The following RNGTT variants were observed in gnomAD, a reference collection of about 807,000 sequenced individuals.
RNGTT encodes RNA guanylyltransferase and 5'-phosphatase, also known as mRNA-capping enzyme.
In RNGTT, 33 loss-of-function variants were observed where a neutral mutation model predicts 79.3. The ratio of observed to expected loss-of-function variants is 0.42; its 90% CI spans 0.32 to 0.56. The LOEUF (loss-of-function observed/expected upper bound fraction) is 0.56. Among genes scored for constraint, RNGTT ranks in the 20% least tolerant of loss-of-function variants. The probability of loss-of-function intolerance (pLI) is 0.17; values close to 1 mark genes in which losing one functional copy is unlikely to be tolerated. For synonymous variants in RNGTT, 222 were observed against 235.9 expected, an observed-to-expected ratio of 0.94 and a Z score of 0.54; for missense variants, 497 against 739.1, an observed-to-expected ratio of 0.67 and a Z score of 3.80.
chr6:88,780,696 G>A (rs1361961015), intron 12 of RNGTT, among the ~76,000 whole-genome samples: 1 of 152,058 alleles, frequency 6.6e-6, no homozygotes, highest in East Asian at 1.9e-4. Context: ...GATATCCATT[G>A]CCATTGTAAA....
chr6:88,789,389 G>A (rs1338684551), intron 12 of RNGTT, among the ~76,000 whole-genome samples: 4 of 152,054 alleles, frequency 2.6e-5, no homozygotes, highest in South Asian at 2.1e-4. Flanking sequence ...GTGAAACCCC[G>A]TATCTACTAA....
chr6:88,922,341 C>T (rs961610803), intron 4 of RNGTT, among the ~76,000 whole-genome samples: 2 of 151,894 alleles, frequency 1.3e-5, no homozygotes, highest in East Asian at 1.9e-4. Context: ...ATTTTAATGA[C>T]CTTAAACTAC....
At position 88,662,695 on chromosome 6, in the gene RNGTT, C is replaced by T. The variant is rs1010978884; in HGVS notation, c.1506+15658G>A. ...TGTGGAGCATCCCTGGGGAGGACTCCGGCGAGCTTAAGCAAAGCAGATCCT... is the reference window on the plus strand; with the variant it reads ...TGTGGAGCATCCCTGGGGAGGACTCTGGCGAGCTTAAGCAAAGCAGATCCT... On this transcript the variant is annotated intron_variant, in intron 14 of 15. Coordinates refer to ENST00000369485, the MANE Select transcript of RNGTT (RefSeq NM_003800.5). Among the ~76,000 whole-genome samples, 8 of 152,360 alleles carry T rather than the reference C, an allele frequency of 5.3e-5. No homozygotes were observed. The South Asian group carries it at 1.0e-3, about 20-fold the overall frequency.
chr6:88,880,999 A>G (rs760020523), intron 8 of RNGTT, among the ~76,000 whole-genome samples: 11 of 152,224 alleles, frequency 7.2e-5, no homozygotes, highest in African/African-American at 1.4e-4. Context: ...TAGTAACATT[A>G]TATCACTTTT....
At position 88,849,773 on chromosome 6, in the gene RNGTT, A is replaced by T. The variant is rs1470611350; in HGVS notation, c.1086T>A (p.Tyr362Ter). 1.9e-6 allele frequency: 3 copies of T among 1,561,862 alleles called. No homozygotes were observed. The highest frequency in any genetic ancestry group is 2.6e-6 in the Non-Finnish European group (3 of 1,153,582). ...TACTTACATTGAATTTAATTATGTCATATATCAAATATCTAGGAACAGCCT... is the reference window on the plus strand; with the variant it reads ...TACTTACATTGAATTTAATTATGTCTTATATCAAATATCTAGGAACAGCCT... ...NGQAVPRYLI[Y>*]DIIKFNSQPV... Residue 362 changes from tyrosine to a stop codon, truncating the protein, a stop_gained, in exon 10 of 16, where the codon TAT becomes TAA. Coordinates refer to ENST00000369485, the MANE Select transcript of RNGTT (RefSeq NM_003800.5). LOFTEE classifies it high-confidence loss of function.
rs58717773 is a variant in RNGTT at position 88,913,214 on chromosome 6, C to CAAAAA, written c.368-6779_368-6775dup. ...AGTGAAGCTCTGTCTCAAAAAAAAA[C>CAAAAA]AAAAAAAAAAAACAAAAAAAAAAAA... On this transcript the variant is annotated intron_variant, in intron 4 of 15. Coordinates refer to ENST00000369485, the MANE Select transcript of RNGTT (RefSeq NM_003800.5). 6.2e-3 allele frequency among the ~76,000 whole-genome samples: 405 copies of CAAAAA among 65,536 alleles called. 3 individuals carry two copies. The highest frequency in any genetic ancestry group is 0.016 in the African/African-American group (360 of 21,962). 43.0% of individuals were successfully genotyped at this position (65,536 alleles called of 152,430 possible). A position where few individuals can be genotyped will look rare whatever the true frequency, so the allele number is the denominator to read the frequency against.
chr6:88,738,700 A>C (rs1387724092), intron 13 of RNGTT, among the ~76,000 whole-genome samples: 1 of 152,140 alleles, frequency 6.6e-6, no homozygotes, highest in Non-Finnish European at 1.5e-5. Flanking sequence ...AATTGTAATA[A>C]ATGTGCCATG....
At chr6:88,875,407 T>C (rs1782487793) in intron 8 of RNGTT, among the ~76,000 whole-genome samples, 1 of 152,050 alleles carries the variant, frequency 6.6e-6, no homozygotes, top group African/African-American at 2.4e-5. Flanking sequence ...CTTTTTAATG[T>C]TTTATGAGGA....
chr6:88,929,466 A>G (rs1332734761), intron 2 of RNGTT, among the ~76,000 whole-genome samples, 199 bp from the exon 3 acceptor site: 1 of 152,182 alleles, frequency 6.6e-6, no homozygotes, highest in East Asian at 1.9e-4. Flanking sequence ...CAGGCACTTG[A>G]TAAAATAAAT....
chr6:88,875,589 T>C (rs1782494950), intron 8 of RNGTT, among the ~76,000 whole-genome samples: 1 of 152,208 alleles, frequency 6.6e-6, no homozygotes, highest in South Asian at 2.1e-4. Context: ...TCAGTCCTGC[T>C]ACTTACAATA....
chr6:88,815,501 G>T (rs567766130), intron 11 of RNGTT, among the ~76,000 whole-genome samples: 1 of 152,158 alleles, frequency 6.6e-6, no homozygotes, highest in Non-Finnish European at 1.5e-5. Flanking sequence ...AGTAAAGGAG[G>T]CCCTAGGGAC....
intron 14 of RNGTT, among the ~76,000 whole-genome samples, chr6:88,640,371 G>A (rs1773261635): frequency 7.0e-6 from 1 of 142,712 alleles, no homozygotes. Flanking sequence ...GCAGCATACC[G>A]AGACCCTGTC....
intron 14 of RNGTT, among the ~76,000 whole-genome samples, chr6:88,647,612 T>C (rs1170059859): frequency 6.7e-6 from 1 of 150,060 alleles, no homozygotes; most frequent in Non-Finnish European, 1.5e-5. Context: ...CTCAGGAGGC[T>C]GAGGTAGGAG....
chr6:88,633,546 G>A (rs919544656), intron 14 of RNGTT, among the ~76,000 whole-genome samples: 5 of 152,024 alleles, frequency 3.3e-5, no homozygotes, highest in African/African-American at 9.7e-5. Context: ...TGTTGAATGC[G>A]CTTTATCTCC....
chr6:88,771,311 GTGTGTATATATATATATA>G (rs1249126917), intron 12 of RNGTT, among the ~76,000 whole-genome samples: 50 of 48,678 alleles, frequency 1.0e-3, no homozygotes, highest in African/African-American at 4.4e-3. Flanking sequence ...GTATGTGTGT[GTGTGTATATATATATATA>G]TATATATATA....
intron 13 of RNGTT, among the ~76,000 whole-genome samples, chr6:88,723,871 C>T (rs191612115): frequency 2.2e-4 from 33 of 152,086 alleles, no homozygotes; most frequent in African/African-American, 7.5e-4. Flanking sequence ...ATTACAAGCA[C>T]GCCCCACCAT....
At chr6:88,744,975 G>C (rs1400478277) in intron 13 of RNGTT, among the ~76,000 whole-genome samples, 2 of 152,094 alleles carry the variant, frequency 1.3e-5, no homozygotes, top group East Asian at 1.9e-4. Context: ...GTTCTAATCA[G>C]TTTAGAGGTT....
intron 14 of RNGTT, among the ~76,000 whole-genome samples, chr6:88,627,519 G>A (rs967489592): frequency 7.2e-5 from 11 of 151,980 alleles, no homozygotes; most frequent in Non-Finnish European, 1.5e-4. Context: ...CTTTCTTACA[G>A]GACAGAGAGA....
At chr6:88,720,207 C>T (rs763258060) in intron 13 of RNGTT, among the ~76,000 whole-genome samples, 32 of 152,254 alleles carry the variant, frequency 2.1e-4, no homozygotes, top group Admixed American at 3.3e-4. Context: ...AACTTTTCCA[C>T]TACCTATTAA....
Sources: gnomAD v4.1 joint callset for allele counts (sites outside exome capture counted in the v4.1 genomes callset) on GRCh38, gnomAD v4.1.1 for gene constraint, MANE v1.5 for transcripts, NCBI Gene and HGNC (gene_info 2026-07-23, HGNC 2026-07-21) for gene names.